Variants in MAPT observed in about 807,000 individuals in gnomAD.
MAPT encodes microtubule-associated protein tau.
A neutral mutation model predicts 67.9 loss-of-function variants in MAPT; 34 were observed. The ratio of observed to expected loss-of-function variants is 0.50; its 90% CI spans 0.38 to 0.67. The LOEUF is 0.67. MAPT is among the 30% of genes least tolerant of loss of function. The pLI, the probability that MAPT is intolerant of heterozygous loss-of-function variation, is 0.00. For synonymous variants in MAPT, 456 were observed against 464.5 expected (o/e 0.98, Z 0.23); for missense variants, 881 against 1,115.2 (o/e 0.79, Z 2.99).
intron 11 of MAPT, among the ~76,000 whole-genome samples, chr17:46,016,632 A>G (rs1157889579): frequency 1.3e-5 from 2 of 152,058 alleles, no homozygotes; most frequent in South Asian, 2.1e-4. Context: ...TTAGCCGGGC[A>G]TGGTGGCAGG....
chr17:46,004,729 T>G (rs549418756), intron 9 of MAPT, among the ~76,000 whole-genome samples: 16 of 152,352 alleles, frequency 1.1e-4, no homozygotes, highest in African/African-American at 3.8e-4. Flanking sequence ...TTGCCTTTTT[T>G]GTGGGGTTAG....
intron 1 of MAPT, among the ~76,000 whole-genome samples, chr17:45,916,753 G>A (rs1310559137): frequency 1.3e-5 from 2 of 152,222 alleles, no homozygotes; most frequent in South Asian, 2.1e-4. Flanking sequence ...TAAGGACCAC[G>A]AGTTTGGCAT....
chr17:46,012,600 C>T (rs2075890857), intron 10 of MAPT, among the ~76,000 whole-genome samples: 1 of 152,132 alleles, frequency 6.6e-6, no homozygotes, highest in South Asian at 2.1e-4. Flanking sequence ...TGCTCCTTCT[C>T]TACCTGGGAC....
intron 1 of MAPT, among the ~76,000 whole-genome samples, chr17:45,913,058 C>A (rs1022375324): frequency 3.9e-5 from 6 of 152,202 alleles, no homozygotes; most frequent in African/African-American, 7.2e-5. Context: ...ATCAGGACCT[C>A]CAGGCTAAGT....
At position 45,936,589 on chromosome 17, in the gene MAPT, G is replaced by A. The variant is rs529212076; in HGVS notation, c.-17-25732G>A. On this transcript the variant is annotated intron_variant, in intron 1 of 12. Coordinates refer to ENST00000262410, the MANE Select transcript of MAPT (RefSeq NM_001377265.1). ...GAATTGGCAAGCCTATCACTTGGGA[G>A]TCTAGTTTTTTTGTTCGTTAATAAT... Among the ~76,000 whole-genome samples, 3 of 147,714 alleles carry A rather than the reference G, an allele frequency of 2.0e-5. No homozygotes were observed. In the East Asian group the frequency reaches 5.8e-4, roughly 28 times the overall value.
At chr17:45,925,108 C>T (rs1331677478) in intron 1 of MAPT, among the ~76,000 whole-genome samples, 1 of 152,218 alleles carries the variant, frequency 6.6e-6, no homozygotes, top group East Asian at 1.9e-4. Context: ...TTCTTTTCCT[C>T]CTCTCTCCCT....
intron 9 of MAPT, among the ~76,000 whole-genome samples, chr17:46,004,751 G>C (rs2075288625): frequency 6.6e-6 from 1 of 152,044 alleles, no homozygotes; most frequent in South Asian, 2.1e-4. Context: ...ACAAGAAAAA[G>C]CCACATGGAA....
At chr17:45,936,315 A>G (rs2067322322) in intron 1 of MAPT, among the ~76,000 whole-genome samples, 1 of 152,200 alleles carries the variant, frequency 6.6e-6, no homozygotes, top group Non-Finnish European at 1.5e-5. Context: ...GAGTTGAGAA[A>G]ATGGGTCGCT....
chr17:45,935,668 T>C lies in MAPT; in HGVS notation c.-17-26653T>C, dbSNP rs1459154416. On this transcript the variant is annotated intron_variant, in intron 1 of 12. Transcript: ENST00000262410. ...CTCTGATCCGGGCTCTTCCAGAATG[T>C]CTTGTCTCCACCATCGCCTTTGACC... Among the ~76,000 whole-genome samples, 3 of 152,244 alleles carry C rather than the reference T, an allele frequency of 2.0e-5. No homozygotes were observed. The East Asian group carries it at 5.8e-4, about 29-fold the overall frequency.
Position 46,010,231 on chromosome 17 carries a change from C to T in MAPT, c.1999-79C>T, listed in dbSNP as rs1178514679. On this transcript the variant is annotated intron_variant, in intron 9 of 12. Coordinates refer to ENST00000262410, the MANE Select transcript of MAPT (RefSeq NM_001377265.1). This position sits in a 1 kb window ranked among gnomAD's most constrained non-coding sequence, Gnocchi z 4.7. ...GTCCAGGGTGGCGCATGTCACTCAT[C>T]GAAAGTGGAGGCGTCCTTGCGAGCA... 5.2e-6 allele frequency: 5 copies of T among 960,968 alleles called. No homozygotes were observed. The East Asian group carries it at 7.8e-5, about 15-fold the overall frequency. The allele number at this position is 960,968 out of a possible 1,614,324, so 59.5% of individuals were successfully genotyped here.
At chr17:45,972,047 A>ATG (rs1164774525) in intron 3 of MAPT, 102 bp downstream of exon 3, 2 of 835,094 alleles carry the variant, frequency 2.4e-6, no homozygotes, top group Non-Finnish European at 4.1e-6. Flanking sequence ...TGGCTGAGAG[A>ATG]TGTGCTCACT....
In MAPT at chr17:45,971,865, C is replaced by T; in HGVS notation, c.140C>T (p.Pro47Leu). 6.2e-7 allele frequency: 1 copy of T among 1,613,130 alleles called. No homozygotes were observed. The highest frequency in any genetic ancestry group is 8.5e-7 in the Non-Finnish European group (1 of 1,179,094). The change falls in exon 3 of 13, where the codon CCC becomes CTC. Residue 47 changes from proline to leucine, a missense_variant. Physicochemically the swap from Pro to Leu is moderately conservative, Grantham distance 98. Coordinates refer to ENST00000262410, the MANE Select transcript of MAPT (RefSeq NM_001377265.1). The surrounding 1 kb of genome is among the most constrained non-coding windows in gnomAD (Gnocchi z 4.3). ...CTCACTGTATGTGTTCCAGAATCTC[C>T]CCTGCAGACCCCCACTGAGGACGGA... ...GDTDAGLKES[P>L]LQTPTEDGSE...
At chr17:45,937,201 A>G (rs2067415624) in intron 1 of MAPT, among the ~76,000 whole-genome samples, 1 of 152,174 alleles carries the variant, frequency 6.6e-6, no homozygotes, top group South Asian at 2.1e-4. Context: ...TAGAAGTACC[A>G]GAGCTGTGAA....
rs2073140101 is a variant in MAPT at position 45,983,089 on chromosome 17, C to T, written c.510C>T (p.Pro170=). The change falls in exon 5 of 13, where the codon CCC becomes CCT. Residue 170 remains proline (P), a synonymous_variant. Transcript: ENST00000262410. The stretch of plus-strand genomic sequence containing the variant: ...CTCCAACAGGAGGCCCTCAGGAGCC[C>T]TCCCTGGAGTGGGGACAAAAAGGCG... ...APPPTGGPQE[P]SLEWGQKGGD... is the part of the protein sequence containing the mutation. 5.8e-6 allele frequency: 9 copies of T among 1,547,748 alleles called. No individual in the cohort carries two copies. The South Asian group carries it at 1.1e-4, about 18-fold the overall frequency.
At chr17:45,916,617 C>G (rs983722918) in intron 1 of MAPT, among the ~76,000 whole-genome samples, 2 of 152,168 alleles carry the variant, frequency 1.3e-5, no homozygotes, top group African/African-American at 2.4e-5. Flanking sequence ...TGTGTGACAG[C>G]CTTCAGTGGA....
rs183299441 is a variant in MAPT at position 45,962,054 on chromosome 17, C to T, written c.-17-267C>T. ...CCTCCCAAAGTGCTGAGATCACAGGCGTGAGCCACCATGCCTGGCCGTCAC... is the reference window on the plus strand; with the variant it reads ...CCTCCCAAAGTGCTGAGATCACAGGTGTGAGCCACCATGCCTGGCCGTCAC... On this transcript the variant is annotated intron_variant, in intron 1 of 12. Coordinates refer to ENST00000262410, the MANE Select transcript of MAPT (RefSeq NM_001377265.1). 6.6e-4 allele frequency among the ~76,000 whole-genome samples: 101 copies of T among 152,222 alleles called. 1 individual carries two copies. In the East Asian group the frequency reaches 0.014, roughly 22 times the overall value.
intron 1 of MAPT, among the ~76,000 whole-genome samples, chr17:45,951,898 AAGAG>A (rs1356736874): frequency 7.3e-5 from 11 of 151,626 alleles, no homozygotes; most frequent in African/African-American, 1.7e-4. Context: ...AGGAGAAAGG[AAGAG>A]AGAGAGAGAG....
chr17:45,998,102 G>A (rs887204351), intron 9 of MAPT, among the ~76,000 whole-genome samples: 4 of 152,094 alleles, frequency 2.6e-5, no homozygotes, highest in African/African-American at 4.8e-5. Flanking sequence ...GGAACCCTGG[G>A]CCTGCGTGTC....
Position 46,010,432 on chromosome 17 carries a change from T to G in MAPT, c.2091+30T>G, listed in dbSNP as rs754219686. 4 of 1,451,752 alleles carry G rather than the reference T, an allele frequency of 2.8e-6. No individual in the cohort carries two copies. The highest frequency in any genetic ancestry group is 3.8e-6 in the Non-Finnish European group (4 of 1,054,132). 89.9% of individuals were successfully genotyped at this position (1,451,752 alleles called of 1,614,324 possible). ...GTACCTTCACACGTCCCATGCGCCGTGCTGTGGCTTGAATTATTAGGAAGT... is the reference window on the plus strand; with the variant it reads ...GTACCTTCACACGTCCCATGCGCCGGGCTGTGGCTTGAATTATTAGGAAGT... On this transcript the variant is annotated intron_variant, in intron 10 of 12. Transcript: ENST00000262410. This position sits in a 1 kb window ranked among gnomAD's most constrained non-coding sequence, Gnocchi z 4.7.
Sources: allele counts gnomAD v4.1 joint callset (sites outside exome capture counted in the v4.1 genomes callset), GRCh38; gene constraint gnomAD v4.1.1; non-coding constraint Gnocchi (gnomAD v3.1); transcripts MANE v1.5; gene names NCBI Gene and HGNC (gene_info 2026-07-23, HGNC 2026-07-21).